PTPRT: variants seen among roughly 807,000 people sequenced by gnomAD.
The protein encoded by PTPRT is receptor-type tyrosine-protein phosphatase T.
In PTPRT, 56 loss-of-function variants were observed where a neutral mutation model predicts 176.8. The observed-to-expected ratio is 0.32, with a 90% CI of 0.26 to 0.40. PTPRT has a LOEUF of 0.40. Among genes scored for constraint, PTPRT ranks in the 10% least tolerant of loss-of-function variants. PTPRT has a pLI of 1.00. For missense variants in PTPRT, 1,540 were observed against 1,908.2 expected, an observed-to-expected ratio of 0.81 and a Z score of 3.60; for synonymous variants, 783 against 739.0, an observed-to-expected ratio of 1.06 and a Z score of -0.96.
intron 13 of PTPRT, among the ~76,000 whole-genome samples, chr20:42,259,006 C>T (rs548542575): frequency 7.9e-5 from 12 of 152,340 alleles, no homozygotes; most frequent in South Asian, 4.1e-4. Context: ...ACTAAAACTG[C>T]TAAATATTGC....
Position 43,047,020 on chromosome 20 carries a change from A to T in PTPRT, c.88+142626T>A, listed in dbSNP as rs570344414. ...TCTTGGACTGGTTTTGCTTATTTTCATCAAGTTAAAGATCATTCACGCCAG... is the reference window on the plus strand; with the variant it reads ...TCTTGGACTGGTTTTGCTTATTTTCTTCAAGTTAAAGATCATTCACGCCAG... On this transcript the variant is annotated intron_variant, in intron 1 of 30. Coordinates refer to ENST00000373187, the MANE Select transcript of PTPRT (RefSeq NM_007050.6). Among the ~76,000 whole-genome samples, 3 of 152,180 alleles carry T rather than the reference A, an allele frequency of 2.0e-5. No individual in the cohort carries two copies. In the East Asian group the frequency reaches 5.8e-4, roughly 29 times the overall value.
chr20:42,263,315 G>C (rs1004105998), intron 13 of PTPRT, among the ~76,000 whole-genome samples: 5 of 150,358 alleles, frequency 3.3e-5, no homozygotes, highest in Middle Eastern at 3.4e-3. Flanking sequence ...AACCTCCTGG[G>C]CTCAAGCGAT....
intron 12 of PTPRT, among the ~76,000 whole-genome samples, chr20:42,299,176 C>T (rs2057425436): frequency 6.6e-6 from 1 of 152,006 alleles, no homozygotes. Flanking sequence ...TCTGTATGCA[C>T]TTGTTTGTAC....
At chr20:42,122,251 T>C (rs1367919272) in intron 19 of PTPRT, among the ~76,000 whole-genome samples, 1 of 152,242 alleles carries the variant, frequency 6.6e-6, no homozygotes, top group Non-Finnish European at 1.5e-5. Context: ...TAACAGTTAC[T>C]ATGTGCCAGG....
intron 5 of PTPRT, among the ~76,000 whole-genome samples, chr20:42,763,810 T>C (rs1482295748): frequency 6.6e-6 from 1 of 152,186 alleles, no homozygotes; most frequent in Non-Finnish European, 1.5e-5. Flanking sequence ...GCTGAAACCC[T>C]TCCAAGAGCC....
At chr20:42,909,191 C>T (rs1227927579) in intron 1 of PTPRT, among the ~76,000 whole-genome samples, 2 of 152,106 alleles carry the variant, frequency 1.3e-5, no homozygotes, top group South Asian at 2.1e-4. Context: ...TACATACATA[C>T]ATAAAAGAGA....
rs371128775 is a variant in PTPRT at position 42,327,527 on chromosome 20, A to AAACG, written c.1866-11532_1866-11531insCGTT. Among the ~76,000 whole-genome samples, 159 of 152,216 alleles carry AAACG rather than the reference A, an allele frequency of 1.0e-3. 3 individuals are homozygous for AAACG. In the East Asian group the frequency reaches 0.015, roughly 15 times the overall value. The stretch of plus-strand genomic sequence containing the variant: ...ACTGACCTTTCCATAGGAGATACAA[A>AAACG]CTAAAGGTTTTGAAGCGTCATGGTC... On this transcript the variant is annotated intron_variant, in intron 11 of 30. Coordinates refer to ENST00000373187, the MANE Select transcript of PTPRT (RefSeq NM_007050.6).
intron 7 of PTPRT, among the ~76,000 whole-genome samples, chr20:42,632,864 T>C (rs2074442752): frequency 6.6e-6 from 1 of 152,206 alleles, no homozygotes; most frequent in East Asian, 1.9e-4. Flanking sequence ...TCTCAGCAGC[T>C]AGGGTAACAA....
chr20:42,923,474 T>C (rs570251573), intron 1 of PTPRT, among the ~76,000 whole-genome samples: 2 of 152,322 alleles, frequency 1.3e-5, no homozygotes, highest in East Asian at 1.9e-4. Flanking sequence ...TGACAGGAAA[T>C]GTCTGCACAT....
chr20:42,115,962 A>C (rs1987255714), intron 21 of PTPRT: 2 of 706,808 alleles, frequency 2.8e-6, no homozygotes, highest in Admixed American at 4.1e-5. Flanking sequence ...GCCATTCCCC[A>C]GTCGACTGTT....
intron 1 of PTPRT, among the ~76,000 whole-genome samples, chr20:43,071,568 A>G (rs986526764): frequency 6.6e-6 from 1 of 152,094 alleles, no homozygotes; most frequent in Non-Finnish European, 1.5e-5. Context: ...GGTGGATGAC[A>G]TGAGGTTGGG....
intron 1 of PTPRT, among the ~76,000 whole-genome samples, chr20:42,906,821 A>C (rs1319571660): frequency 2.0e-5 from 3 of 152,214 alleles, no homozygotes; most frequent in Non-Finnish European, 4.4e-5. Flanking sequence ...TGGATTTTAA[A>C]ATGCAAATGA....
At chr20:43,062,410 C>A (rs984905309) in intron 1 of PTPRT, among the ~76,000 whole-genome samples, 1 of 152,248 alleles carries the variant, frequency 6.6e-6, no homozygotes, top group Middle Eastern at 3.4e-3. Context: ...ATGCCAAACA[C>A]CTGGGGGAAA....
At chr20:42,126,187 C>T (rs1324226664) in intron 19 of PTPRT, among the ~76,000 whole-genome samples, 1 of 152,104 alleles carries the variant, frequency 6.6e-6, no homozygotes, top group East Asian at 1.9e-4. Context: ...AGAACACCTA[C>T]CTTGAAGGGT....
intron 2 of PTPRT, among the ~76,000 whole-genome samples, chr20:42,818,708 T>A (rs1415869812): frequency 6.6e-6 from 1 of 152,054 alleles, no homozygotes; most frequent in South Asian, 2.1e-4. Context: ...GAACATAAAT[T>A]ACCTGATGGA....
chr20:43,149,776 G>A (rs985753675), intron 1 of PTPRT, among the ~76,000 whole-genome samples: 10 of 152,166 alleles, frequency 6.6e-5, no homozygotes. Context: ...TACCATTACT[G>A]TATTTCTCTT....
At chr20:42,206,485 AG>A (rs2055466627) in intron 15 of PTPRT, among the ~76,000 whole-genome samples, 1 of 152,248 alleles carries the variant, frequency 6.6e-6, no homozygotes, top group Non-Finnish European at 1.5e-5. Context: ...GCAAGGGGTC[AG>A]GGAGTTCCCT....
chr20:42,138,285 G>T (rs1033724092), intron 18 of PTPRT, among the ~76,000 whole-genome samples: 1 of 152,234 alleles, frequency 6.6e-6, no homozygotes, highest in Non-Finnish European at 1.5e-5. Context: ...AAGATTGGGT[G>T]GAGGGAGGAG....
At chr20:42,444,030 T>C (rs993957077) in intron 9 of PTPRT, among the ~76,000 whole-genome samples, 6 of 152,056 alleles carry the variant, frequency 3.9e-5, no homozygotes, top group Non-Finnish European at 8.8e-5. Context: ...TGTAGAACCC[T>C]CCTAGGGCTT....
Sources: allele counts gnomAD v4.1 joint callset (sites outside exome capture counted in the v4.1 genomes callset), GRCh38; gene constraint gnomAD v4.1.1; transcripts MANE v1.5; gene names NCBI Gene and HGNC (gene_info 2026-07-23, HGNC 2026-07-21).